The following BRDT variants were observed in gnomAD, a reference collection of about 807,000 sequenced individuals.
The protein encoded by BRDT is bromodomain testis-specific protein.
A neutral mutation model predicts 113.9 loss-of-function variants in BRDT; 77 were observed. The ratio of observed to expected loss-of-function variants is 0.68; its 90% CI spans 0.56 to 0.82. The LOEUF is 0.82. Among genes scored for constraint, BRDT ranks in the 40% least tolerant of loss-of-function variants. The probability of loss-of-function intolerance (pLI) is 0.00; values close to 1 mark genes in which losing one functional copy is unlikely to be tolerated. For synonymous variants in BRDT, 358 were observed against 366.5 expected, an observed-to-expected ratio of 0.98 and a Z score of 0.26; for missense variants, 1,027 against 1,105.4, an observed-to-expected ratio of 0.93 and a Z score of 1.01.
intron 2 of BRDT, among the ~76,000 whole-genome samples, chr1:91,964,033 G>A (rs1682791361): frequency 1.3e-5 from 2 of 151,838 alleles, no homozygotes; most frequent in Non-Finnish European, 2.9e-5. Flanking sequence ...CAGCACACCT[G>A]GCTAATTTTC....
intron 14 of BRDT, among the ~76,000 whole-genome samples, chr1:91,993,028 A>G (rs1685946619): frequency 6.6e-6 from 1 of 152,190 alleles, no homozygotes; most frequent in South Asian, 2.1e-4. Context: ...TCACTGAGGA[A>G]AAAAATGCCT....
intron 12 of BRDT, among the ~76,000 whole-genome samples, chr1:91,986,312 T>G (rs1413772829): frequency 6.6e-6 from 1 of 152,058 alleles, no homozygotes; most frequent in Non-Finnish European, 1.5e-5. Context: ...CTGTGACTAA[T>G]GATACTGAGA....
chr1:91,992,146 G>A (rs1354050362), intron 13 of BRDT, 118 bp from the exon 14 acceptor site: 1 of 518,396 alleles, frequency 1.9e-6, no homozygotes, highest in Non-Finnish European at 3.1e-6. Context: ...AACTAGGTTA[G>A]GGAAACACAA....
intron 12 of BRDT, among the ~76,000 whole-genome samples, chr1:91,990,858 C>T (rs1175844609): frequency 6.6e-6 from 1 of 152,126 alleles, no homozygotes; most frequent in African/African-American, 2.4e-5. Flanking sequence ...AGTGCAGTGG[C>T]GTGATCTTGG....
intron 15 of BRDT, among the ~76,000 whole-genome samples, chr1:91,999,107 G>A (rs1686605100): frequency 6.6e-6 from 1 of 152,102 alleles, no homozygotes; most frequent in Admixed American, 6.6e-5. Flanking sequence ...GACCAGCTGG[G>A]CTGTTGCAGT....
intron 12 of BRDT, 84 bp from the exon 13 acceptor site, chr1:91,991,100 A>G (rs1375587339): frequency 1.2e-6 from 1 of 858,318 alleles, no homozygotes; most frequent in South Asian, 1.8e-5. Flanking sequence ...CCCAGCCCCC[A>G]CTGTGTTTCT....
chr1:91,966,203 T>G (rs1278863208), intron 3 of BRDT, among the ~76,000 whole-genome samples: 3 of 152,142 alleles, frequency 2.0e-5, no homozygotes, highest in Non-Finnish European at 4.4e-5. Context: ...TGTATCCTGT[T>G]CTAGCTGTTC....
At chr1:91,995,933 T>G (rs2101764545) in intron 15 of BRDT, among the ~76,000 whole-genome samples, 1 of 152,264 alleles carries the variant, frequency 6.6e-6, no homozygotes, top group Non-Finnish European at 1.5e-5. Context: ...TGTCTTTAAT[T>G]AAAGTTATAT....
chr1:91,996,935 T>C (rs1207314432), intron 15 of BRDT, among the ~76,000 whole-genome samples: 3 of 152,126 alleles, frequency 2.0e-5, no homozygotes, highest in Non-Finnish European at 4.4e-5. Context: ...TAGAAGCTAC[T>C]TGAAGCCATA....
intron 15 of BRDT, among the ~76,000 whole-genome samples, chr1:91,998,671 A>G (rs1157966706): frequency 6.6e-6 from 1 of 152,194 alleles, no homozygotes; most frequent in Admixed American, 6.5e-5. Context: ...AAAGAACCTA[A>G]AGTGAAGTTT....
intron 5 of BRDT, 63 bp from the exon 6 acceptor site, chr1:91,976,980 T>C (rs961945096): frequency 7.7e-7 from 1 of 1,302,020 alleles, no homozygotes; most frequent in Non-Finnish European, 1.0e-6. Flanking sequence ...TTTTAACTGA[T>C]AAGGAACTAT....
intron 12 of BRDT, among the ~76,000 whole-genome samples, chr1:91,983,303 T>C (rs1020148958): frequency 9.6e-5 from 14 of 146,158 alleles, no homozygotes; most frequent in East Asian, 2.0e-4. Context: ...CTCCCTCTGT[T>C]GCCCAGGCTG....
intron 12 of BRDT, among the ~76,000 whole-genome samples, chr1:91,989,552 G>A (rs1183462431): frequency 6.6e-6 from 1 of 151,840 alleles, no homozygotes; most frequent in Non-Finnish European, 1.5e-5. Flanking sequence ...CTAGAGATGG[G>A]GTTTCAACTT....
chr1:92,006,709 C>T (rs182849020), intron 18 of BRDT, among the ~76,000 whole-genome samples: 20 of 152,240 alleles, frequency 1.3e-4, no homozygotes, highest in Admixed American at 1.1e-3. Flanking sequence ...CTTAGGCAAT[C>T]GCCTGCCTCG....
Position 91,968,158 on chromosome 1 carries a change from A to G in BRDT, c.343A>G (p.Ile115Val), listed in dbSNP as rs1244586174. The G allele has an allele frequency of 1.2e-6, 2 of 1,613,826 alleles. No homozygotes were observed. The highest frequency in any genetic ancestry group is 1.3e-5 in the African/African-American group (1 of 74,920). ...CYLYNKPGDD[I>V]VLMAQALEKL... The stretch of plus-strand genomic sequence containing the variant: ...ATATATTTTGTAGCCTGGAGATGAC[A>G]TTGTTCTTATGGCACAAGCTCTAGA... The change falls in exon 4 of 19, where the codon ATT becomes GTT. Residue 115 changes from isoleucine (I) to valine (V), a missense_variant. Transcript: ENST00000399546.
chr1:91,960,640 AAC>A (rs1331282311), intron 1 of BRDT, among the ~76,000 whole-genome samples: 2 of 152,234 alleles, frequency 1.3e-5, no homozygotes, highest in Non-Finnish European at 1.5e-5. Flanking sequence ...GAATATACTT[AAC>A]ACTGCTGAAC....
intron 18 of BRDT, among the ~76,000 whole-genome samples, chr1:92,006,826 C>T (rs928862136): frequency 8.7e-5 from 13 of 148,958 alleles, no homozygotes; most frequent in African/African-American, 2.2e-4. Flanking sequence ...TTGCTCTTGT[C>T]GCCCAGGCTG....
At chr1:91,967,384 C>T (rs990368956) in intron 3 of BRDT, among the ~76,000 whole-genome samples, 35 of 150,378 alleles carry the variant, frequency 2.3e-4, no homozygotes, top group African/African-American at 7.4e-4. Context: ...TACAGGCATG[C>T]GCAACCGCAC....
chr1:91,980,791 G>A lies in BRDT; in HGVS notation c.1436G>A (p.Arg479Lys), dbSNP rs1312854070. Reference protein sequence around the residue: ...ENPRKMCEQMRLKEKSKRNQP... With the variant: ...ENPRKMCEQMKLKEKSKRNQP... ...CCAAGAAAAATGTGTGAGCAAATGA[G>A]GCTAAAGGAAAAGTCCAAGAGAAAG... The change falls in exon 9 of 19, where the codon AGG becomes AAG. Residue 479 changes from arginine (R) to lysine (K), a missense_variant. Physicochemically the swap from Arg to Lys is conservative, Grantham distance 26. Coordinates refer to ENST00000399546, the MANE Select transcript of BRDT (RefSeq NM_207189.4). 1.3e-6 allele frequency: 2 copies of A among 1,598,602 alleles called. No individual in the cohort carries two copies. Among genetic ancestry groups the A allele is most frequent in the African/African-American group, 1.4e-5 (1 of 73,618 alleles).
Sources: allele counts gnomAD v4.1 joint callset (sites outside exome capture counted in the v4.1 genomes callset), GRCh38; gene constraint gnomAD v4.1.1; transcripts MANE v1.5; gene names NCBI Gene and HGNC (gene_info 2026-07-23, HGNC 2026-07-21).